Variants in FSTL5 observed in about 807,000 individuals in gnomAD.
FSTL5 encodes follistatin like 5.
Under a neutral mutation model 89.1 loss-of-function variants are expected in FSTL5, and 62 were observed. The ratio of observed to expected loss-of-function variants is 0.70; its 90% CI spans 0.57 to 0.86. The LOEUF is 0.86. FSTL5 is among the 40% of genes least tolerant of loss of function. The probability of loss-of-function intolerance (pLI) is 0.00; values close to 1 mark genes in which losing one functional copy is unlikely to be tolerated. For synonymous variants in FSTL5, 383 were observed against 346.2 expected (o/e 1.11, Z -1.18); for missense variants, 1,057 against 1,001.6 (o/e 1.06, Z -0.75).
At chr4:161,824,261 AAT>A (rs1412773597) in intron 4 of FSTL5, among the ~76,000 whole-genome samples, 1 of 152,166 alleles carries the variant, frequency 6.6e-6, no homozygotes, top group Non-Finnish European at 1.5e-5. Context: ...CCGTTTGTTG[AAT>A]AGGGTTTCCT....
chr4:161,980,261 AAAAGAAAGAAAGAAAG>A (rs60880931), intron 3 of FSTL5, among the ~76,000 whole-genome samples: 1,647 of 147,792 alleles, frequency 0.011, 27 homozygotes, highest in African/African-American at 0.032. Flanking sequence ...GAAGAAAGAA[AAAAGAAAGAAAGAAAG>A]AAAGAAAGAA....
At chr4:161,438,472 T>A (rs1250456015) in intron 15 of FSTL5, among the ~76,000 whole-genome samples, 1 of 152,320 alleles carries the variant, frequency 6.6e-6, no homozygotes, top group African/African-American at 2.4e-5. Context: ...CTAAAATCTA[T>A]TGCCTTTTAA....
chr4:162,069,904 C>T (rs1452903431), intron 2 of FSTL5, among the ~76,000 whole-genome samples: 3 of 151,746 alleles, frequency 2.0e-5, no homozygotes, highest in Non-Finnish European at 4.4e-5. Flanking sequence ...GAGTCAATAC[C>T]TAGTAGAGGA....
chr4:161,726,986 A>C (rs1739448781), intron 6 of FSTL5, among the ~76,000 whole-genome samples: 1 of 151,796 alleles, frequency 6.6e-6, no homozygotes, highest in Non-Finnish European at 1.5e-5. Flanking sequence ...TATAATAAGA[A>C]AGTATAATTT....
chr4:161,975,890 C>T (rs138532199), intron 3 of FSTL5, among the ~76,000 whole-genome samples: 9,546 of 150,836 alleles, frequency 0.063, 363 homozygotes, highest in Middle Eastern at 0.16. Flanking sequence ...CCGAGGCGGG[C>T]GGATCACGAG....
chr4:161,744,113 CAAAG>C (rs1740113970), intron 6 of FSTL5, among the ~76,000 whole-genome samples: 1 of 151,528 alleles, frequency 6.6e-6, no homozygotes, highest in African/African-American at 2.4e-5. Context: ...CTGTTTTTTT[CAAAG>C]ATAGATGCTT....
At chr4:162,151,399 A>C (rs1198939060) in intron 1 of FSTL5, among the ~76,000 whole-genome samples, 1 of 152,162 alleles carries the variant, frequency 6.6e-6, no homozygotes, top group Non-Finnish European at 1.5e-5. Context: ...GTTTCTGAAG[A>C]CTGATATTCT....
intron 4 of FSTL5, among the ~76,000 whole-genome samples, chr4:161,825,991 T>C (rs1465064781): frequency 1.3e-5 from 2 of 152,190 alleles, no homozygotes; most frequent in African/African-American, 4.8e-5. Flanking sequence ...TTGTGCTTTT[T>C]CAGACTTTTT....
intron 12 of FSTL5, among the ~76,000 whole-genome samples, chr4:161,496,770 G>T (rs1730089386): frequency 9.6e-6 from 1 of 104,550 alleles, no homozygotes; most frequent in African/African-American, 3.1e-5. Context: ...TCTCTATATA[G>T]GAGATAGATA....
At chr4:161,766,378 CTG>C (rs1374636209) in intron 5 of FSTL5, among the ~76,000 whole-genome samples, 1 of 152,206 alleles carries the variant, frequency 6.6e-6, no homozygotes, top group Non-Finnish European at 1.5e-5. Flanking sequence ...TCATCTGACA[CTG>C]TGAACCAAAT....
chr4:161,464,267 C>G (rs1246353069), intron 13 of FSTL5, among the ~76,000 whole-genome samples: 1 of 152,184 alleles, frequency 6.6e-6, no homozygotes, highest in Non-Finnish European at 1.5e-5. Flanking sequence ...ATCTCCTGGC[C>G]TCCTTTGCTG....
Position 161,721,227 on chromosome 4 carries a change from G to A in FSTL5, c.727+38184C>T, listed in dbSNP as rs28738080. ...CGGGAAGCGGAGCTTGCAGTGAGCC[G>A]AGATTGCGCCACTGCAGTCCGCAGT... On this transcript the variant is annotated intron_variant, in intron 6 of 15. Transcript: ENST00000306100. Among the ~76,000 whole-genome samples, 381 of 134,064 alleles carry A rather than the reference G, an allele frequency of 2.8e-3. 2 individuals carry two copies. The highest frequency in any genetic ancestry group is 9.3e-3 in the African/African-American group (353 of 38,048). 88.0% of individuals were successfully genotyped at this position (134,064 alleles called of 152,430 possible).
intron 8 of FSTL5, among the ~76,000 whole-genome samples, chr4:161,580,303 T>C (rs772829560): frequency 6.6e-6 from 1 of 152,172 alleles, no homozygotes; most frequent in Non-Finnish European, 1.5e-5. Context: ...TAAACAAACA[T>C]AGTGCCCACT....
chr4:161,504,719 C>T (rs1730418025), intron 11 of FSTL5, among the ~76,000 whole-genome samples: 1 of 151,752 alleles, frequency 6.6e-6, no homozygotes, highest in Admixed American at 6.6e-5. Context: ...CAATATTGTA[C>T]CCTTAAATAC....
intron 1 of FSTL5, among the ~76,000 whole-genome samples, chr4:162,137,677 A>C (rs1042104880): frequency 1.3e-5 from 2 of 152,198 alleles, no homozygotes; most frequent in Admixed American, 1.3e-4. Flanking sequence ...ATTTGCAAAA[A>C]AGAAAAAGTT....
intron 1 of FSTL5, among the ~76,000 whole-genome samples, chr4:162,142,174 T>G (rs941275420): frequency 2.0e-5 from 3 of 151,762 alleles, no homozygotes; most frequent in Non-Finnish European, 2.9e-5. Flanking sequence ...GGCTTTGGAG[T>G]TGGGGCAAAG....
intron 3 of FSTL5, among the ~76,000 whole-genome samples, chr4:161,934,468 C>A (rs1734378930): frequency 6.6e-6 from 1 of 151,996 alleles, no homozygotes. Context: ...AATTGGACTG[C>A]CCTCAGTCAT....
chr4:161,628,849 A>G (rs1469389816), intron 7 of FSTL5, among the ~76,000 whole-genome samples: 1 of 152,228 alleles, frequency 6.6e-6, no homozygotes, highest in Non-Finnish European at 1.5e-5. Context: ...TGGCTGTACT[A>G]TGAAAGTCAC....
intron 1 of FSTL5, among the ~76,000 whole-genome samples, chr4:162,154,894 C>T (rs1308190034): frequency 1.3e-5 from 2 of 152,030 alleles, no homozygotes; most frequent in East Asian, 3.9e-4. Context: ...GACATATTAA[C>T]GAATCCAAAA....
Sources: allele counts gnomAD v4.1 joint callset (sites outside exome capture counted in the v4.1 genomes callset), GRCh38; gene constraint gnomAD v4.1.1; transcripts MANE v1.5; gene names NCBI Gene and HGNC (gene_info 2026-07-23, HGNC 2026-07-21).